The following DNAAF11 variants were observed in gnomAD, a reference collection of about 807,000 sequenced individuals.
DNAAF11 encodes leucine rich repeat containing 6.
In DNAAF11, 45 loss-of-function variants were observed where a neutral mutation model predicts 60.8. The observed-to-expected ratio is 0.74, with a 90% CI of 0.58 to 0.95. The LOEUF (loss-of-function observed/expected upper bound fraction) is 0.95. Among genes scored for constraint, DNAAF11 ranks in the 40% least tolerant of loss-of-function variants. The probability of loss-of-function intolerance (pLI) is 0.00; values close to 1 mark genes in which losing one functional copy is unlikely to be tolerated. For synonymous variants in DNAAF11, 191 were observed against 183.5 expected (o/e 1.04, Z -0.33); for missense variants, 546 against 546.2 (o/e 1.00, Z 0.00).
chr8:132,639,843 T>C (rs1042922973), intron 3 of DNAAF11, among the ~76,000 whole-genome samples: 1 of 151,992 alleles, frequency 6.6e-6, no homozygotes, highest in African/African-American at 2.4e-5. Context: ...GCAAGCTCTT[T>C]AGGATAAACT....
chr8:132,589,128 T>C (rs911505305), intron 10 of DNAAF11, among the ~76,000 whole-genome samples: 5 of 152,168 alleles, frequency 3.3e-5, no homozygotes, highest in African/African-American at 1.2e-4. Context: ...GATGACTTAC[T>C]GGGGGCTGTG....
At chr8:132,612,301 C>A (rs1357686762) in intron 8 of DNAAF11, among the ~76,000 whole-genome samples, 1 of 152,158 alleles carries the variant, frequency 6.6e-6, no homozygotes, top group Non-Finnish European at 1.5e-5. Flanking sequence ...CATTTAAAAA[C>A]AATTTTTATA....
intron 7 of DNAAF11, among the ~76,000 whole-genome samples, chr8:132,620,394 G>A (rs1819631263): frequency 6.6e-6 from 1 of 152,174 alleles, no homozygotes; most frequent in Non-Finnish European, 1.5e-5. Flanking sequence ...GAGTGCAGTG[G>A]CGTGATCTCG....
At chr8:132,659,700 T>C (rs934438276) in intron 2 of DNAAF11, among the ~76,000 whole-genome samples, 5 of 152,164 alleles carry the variant, frequency 3.3e-5, no homozygotes, top group African/African-American at 4.8e-5. Flanking sequence ...CCAAAAATGA[T>C]GCAAACCTAG....
At chr8:132,614,254 G>A (rs1818935785) in intron 8 of DNAAF11, among the ~76,000 whole-genome samples, 1 of 152,182 alleles carries the variant, frequency 6.6e-6, no homozygotes, top group Non-Finnish European at 1.5e-5. Context: ...TGAAGGACAC[G>A]AGGCAGCAAG....
chr8:132,627,952 C>T (rs1405529397), intron 5 of DNAAF11, among the ~76,000 whole-genome samples: 1 of 152,294 alleles, frequency 6.6e-6, no homozygotes, highest in African/African-American at 2.4e-5. Context: ...GTACTGTTCA[C>T]TGTAGAGGTG....
At chr8:132,590,834 C>G (rs572289947) in intron 10 of DNAAF11, among the ~76,000 whole-genome samples, 2 of 152,284 alleles carry the variant, frequency 1.3e-5, no homozygotes, top group Admixed American at 6.5e-5. Flanking sequence ...AGAAATTGTT[C>G]TAGGAGCTGG....
chr8:132,688,590 GC>G, the DNAAF11 span, among the ~76,000 whole-genome samples: 3 of 152,164 alleles, frequency 2.0e-5, no homozygotes, highest in Non-Finnish European at 2.9e-5. Context: ...TGAGACTATT[GC>G]TAGAACTCTT....
chr8:132,632,680 G>A, intron 5 of DNAAF11, 60 bp downstream of exon 5: 2 of 1,153,020 alleles, frequency 1.7e-6, no homozygotes, highest in Non-Finnish European at 2.6e-6. Flanking sequence ...CTTGGAAAGA[G>A]AATACAGTTT....
intron 11 of DNAAF11, among the ~76,000 whole-genome samples, chr8:132,577,890 C>G (rs1035339610): frequency 2.0e-5 from 3 of 151,868 alleles, no homozygotes; most frequent in Admixed American, 2.0e-4. Context: ...GCTGCTTGAA[C>G]TTCCGACCTC....
chr8:132,598,161 G>A (rs1029742472), intron 10 of DNAAF11, among the ~76,000 whole-genome samples: 2 of 152,260 alleles, frequency 1.3e-5, no homozygotes, highest in East Asian at 1.9e-4. Context: ...CACTGTGTGT[G>A]GCACATGGTA....
intron 3 of DNAAF11, among the ~76,000 whole-genome samples, chr8:132,640,367 C>A (rs1821736383): frequency 6.6e-6 from 1 of 152,128 alleles, no homozygotes; most frequent in Admixed American, 6.5e-5. Flanking sequence ...GTTTAACTAA[C>A]CCCAGATTCT....
upstream of DNAAF11, among the ~76,000 whole-genome samples, chr8:132,680,291 A>G (rs763120415): frequency 6.6e-6 from 1 of 152,206 alleles, no homozygotes; most frequent in African/African-American, 2.4e-5. Flanking sequence ...GGCTGCTGGA[A>G]CTATAGCAAG....
chr8:132,653,168 A>C (rs1823195254), intron 3 of DNAAF11, among the ~76,000 whole-genome samples: 2 of 152,184 alleles, frequency 1.3e-5, no homozygotes, highest in South Asian at 4.1e-4. Flanking sequence ...GAGATTTAAA[A>C]AACACAAAAG....
chr8:132,648,898 A>G (rs1383192634), intron 3 of DNAAF11, among the ~76,000 whole-genome samples: 1 of 152,236 alleles, frequency 6.6e-6, no homozygotes, highest in African/African-American at 2.4e-5. Context: ...ATGCTCATGG[A>G]TAGGAAGAGT....
At chr8:132,672,608 GTGA>G (rs1361821961) in intron 1 of DNAAF11, among the ~76,000 whole-genome samples, 1 of 152,202 alleles carries the variant, frequency 6.6e-6, no homozygotes, top group Non-Finnish European at 1.5e-5. Context: ...CAAAATGGAG[GTGA>G]TGATACTAGT....
At chr8:132,648,087 T>C (rs1183965462) in intron 3 of DNAAF11, among the ~76,000 whole-genome samples, 1 of 152,084 alleles carries the variant, frequency 6.6e-6, no homozygotes, top group Admixed American at 6.5e-5. Flanking sequence ...TATCCTTGAT[T>C]AATATCGATG....
chr8:132,697,710 A>G, the DNAAF11 span, among the ~76,000 whole-genome samples: 1 of 152,222 alleles, frequency 6.6e-6, no homozygotes, highest in African/African-American at 2.4e-5. Flanking sequence ...GAGCTCACCA[A>G]GAATGACTGG....
intron 7 of DNAAF11, among the ~76,000 whole-genome samples, chr8:132,619,658 G>A (rs1819558430): frequency 6.6e-6 from 1 of 152,150 alleles, no homozygotes; most frequent in South Asian, 2.1e-4. Context: ...CATTAAATGG[G>A]GGCAGAGAAA....
Sources: allele counts gnomAD v4.1 joint callset (sites outside exome capture counted in the v4.1 genomes callset), GRCh38; gene constraint gnomAD v4.1.1; transcripts MANE v1.5; gene names NCBI Gene and HGNC (gene_info 2026-07-23, HGNC 2026-07-21).